TSPAN2: variants seen among roughly 807,000 people sequenced by gnomAD.
TSPAN2 encodes tetraspanin 2.
TSPAN2 carries 24 observed loss-of-function variants against 33.3 expected under a neutral mutation model. That is an observed-to-expected ratio of 0.72 (90% confidence interval 0.52 to 1.01). The LOEUF (loss-of-function observed/expected upper bound fraction) is 1.01. Among genes scored for constraint, TSPAN2 ranks in the 50% least tolerant of loss-of-function variants. TSPAN2 has a pLI of 0.00. For missense variants in TSPAN2, 278 were observed against 281.3 expected (o/e 0.99, Z 0.08); for synonymous variants, 114 against 104.5 (o/e 1.09, Z -0.56).
At chr1:115,054,748 A>C (rs1647328285) in intron 6 of TSPAN2, among the ~76,000 whole-genome samples, 1 of 152,108 alleles carries the variant, frequency 6.6e-6, no homozygotes, top group African/African-American at 2.4e-5. Context: ...AGCACTTGGG[A>C]GGCCGAGATG....
chr1:115,063,475 T>C (rs1222761954), intron 2 of TSPAN2, among the ~76,000 whole-genome samples: 3 of 152,238 alleles, frequency 2.0e-5, no homozygotes, highest in Non-Finnish European at 1.5e-5. Flanking sequence ...GTTGCGAATG[T>C]AAATCAGTAC....
chr1:115,087,515 C>T (rs1228788278), intron 1 of TSPAN2, among the ~76,000 whole-genome samples: 2 of 149,184 alleles, frequency 1.3e-5, no homozygotes, highest in African/African-American at 5.0e-5. Context: ...ATTTGGGCGG[C>T]TGAGGCAGGA....
chr1:115,084,834 T>A (rs1648771352), intron 1 of TSPAN2, among the ~76,000 whole-genome samples: 1 of 152,174 alleles, frequency 6.6e-6, no homozygotes, highest in Non-Finnish European at 1.5e-5. Flanking sequence ...CTTTCTTAAA[T>A]GTACCTGTTA....
chr1:115,070,968 A>C (rs1192851226), intron 2 of TSPAN2, among the ~76,000 whole-genome samples: 1 of 152,110 alleles, frequency 6.6e-6, no homozygotes, highest in East Asian at 1.9e-4. Context: ...GGTTATACTG[A>C]TAGGTTATAT....
chr1:115,076,431 G>A (rs1371165503), intron 1 of TSPAN2, among the ~76,000 whole-genome samples: 2 of 152,130 alleles, frequency 1.3e-5, no homozygotes, highest in Non-Finnish European at 2.9e-5. Context: ...ACCATCAGGA[G>A]CATGAATGTT....
At chr1:115,081,851 C>T (rs1204018578) in intron 1 of TSPAN2, among the ~76,000 whole-genome samples, 1 of 151,692 alleles carries the variant, frequency 6.6e-6, no homozygotes, top group Non-Finnish European at 1.5e-5. Context: ...CTGCAGCCGT[C>T]CTCTACTAAT....
intron 6 of TSPAN2, among the ~76,000 whole-genome samples, chr1:115,055,749 T>C (rs1647395062): frequency 6.6e-6 from 1 of 152,174 alleles, no homozygotes; most frequent in Admixed American, 6.5e-5. Flanking sequence ...CTTAAACTCC[T>C]GAGCTCAGGC....
intron 2 of TSPAN2, among the ~76,000 whole-genome samples, chr1:115,062,969 G>T (rs909285829): frequency 6.6e-6 from 1 of 152,190 alleles, no homozygotes; most frequent in Non-Finnish European, 1.5e-5. Context: ...TCTTTTCAGG[G>T]CCCTGAGGCC....
intron 3 of TSPAN2, among the ~76,000 whole-genome samples, chr1:115,061,370 A>G (rs1035934711): frequency 1.3e-5 from 2 of 152,242 alleles, no homozygotes; most frequent in African/African-American, 2.4e-5. Flanking sequence ...AATGTATAGC[A>G]GTTAATTGAA....
Position 115,049,184 on chromosome 1 carries a change from T to A in TSPAN2, c.*1306A>T, listed in dbSNP as rs1031866304. On this transcript the variant is annotated 3_prime_UTR_variant, in exon 8 of 8. Transcript: ENST00000369516. Reference sequence around the variant, plus strand: ...TGCCAATGTAAATCCTAAATTTGGGTTTACTAAGTTAAAATGAAGCGTTAA... The same window carrying A: ...TGCCAATGTAAATCCTAAATTTGGGATTACTAAGTTAAAATGAAGCGTTAA... The A allele has an allele frequency of 7.9e-5, 12 of 152,248 alleles. No homozygotes were observed. The highest frequency in any genetic ancestry group is 2.9e-4 in the African/African-American group (12 of 41,548). 9.4% of individuals were successfully genotyped at this position (152,248 alleles called of 1,614,324 possible).
At position 115,057,717 on chromosome 1, in the gene TSPAN2, C is replaced by T. The variant is rs563505103; in HGVS notation, c.445-109G>A. ...CCGAGGCGGCAAAGCAGCTCCGAGGCCCAGTCACTGCAACCCAGACTGCTA... is the reference window on the plus strand; with the variant it reads ...CCGAGGCGGCAAAGCAGCTCCGAGGTCCAGTCACTGCAACCCAGACTGCTA... On this transcript the variant is annotated intron_variant, in intron 5 of 7. Transcript: ENST00000369516. 4.4e-6 allele frequency: 4 copies of T among 919,444 alleles called. No individual in the cohort carries two copies. The Admixed American group carries it at 5.3e-5, about 12-fold the overall frequency. 57.0% of individuals were successfully genotyped at this position (919,444 alleles called of 1,614,324 possible). A position where few individuals can be genotyped will look rare whatever the true frequency, so the allele number is the denominator to read the frequency against.
At chr1:115,068,826 T>C (rs1648049647) in intron 2 of TSPAN2, among the ~76,000 whole-genome samples, 1 of 152,202 alleles carries the variant, frequency 6.6e-6, no homozygotes, top group Non-Finnish European at 1.5e-5. Context: ...TTATAAGACA[T>C]ACTTGAAAGG....
chr1:115,061,764 C>G lies in TSPAN2; in HGVS notation c.270+371G>C, dbSNP rs142857312. 2.0e-5 allele frequency among the ~76,000 whole-genome samples: 3 copies of G among 152,214 alleles called. No individual in the cohort carries two copies. In the East Asian group the frequency reaches 5.8e-4, roughly 29 times the overall value. On this transcript the variant is annotated intron_variant, in intron 3 of 7. Transcript: ENST00000369516. ...ATGGCTCACTGCAGCCTCCCAACTC[C>G]TGGTCTTAAGTGATCCTCCTGCCTC...
chr1:115,063,275 C>A (rs1570971179), intron 2 of TSPAN2, among the ~76,000 whole-genome samples: 1 of 152,174 alleles, frequency 6.6e-6, no homozygotes, highest in East Asian at 1.9e-4. Context: ...CATAAACAGA[C>A]AATTCTCCAA....
chr1:115,070,833 T>C (rs1013667012), intron 2 of TSPAN2, among the ~76,000 whole-genome samples: 1 of 152,196 alleles, frequency 6.6e-6, no homozygotes, highest in Non-Finnish European at 1.5e-5. Context: ...GTAATTTAAA[T>C]TGTGAAGTCT....
intron 2 of TSPAN2, among the ~76,000 whole-genome samples, chr1:115,067,209 G>T (rs1454698059): frequency 6.6e-6 from 1 of 152,224 alleles, no homozygotes; most frequent in African/African-American, 2.4e-5. Context: ...AGCAGTAACT[G>T]TGAAGAACAA....
chr1:115,089,491 G>C lies in TSPAN2; in HGVS notation c.-59C>G, dbSNP rs1384439608. ...GGCCCGCGCTACGAGCGCGGGGAGC[G>C]GCAGGCTCCGGCGGGGAGGGGGCGG... On this transcript the variant is annotated 5_prime_UTR_variant, in exon 1 of 8. Coordinates refer to ENST00000369516, the MANE Select transcript of TSPAN2 (RefSeq NM_005725.6). The C allele has an allele frequency of 6.2e-6, 8 of 1,299,210 alleles. No individual in the cohort carries two copies. The highest frequency in any genetic ancestry group is 1.5e-5 in the African/African-American group (1 of 65,304). The allele number at this position is 1,299,210 out of a possible 1,614,324, so 80.5% of individuals were successfully genotyped here. A position where few individuals can be genotyped will look rare whatever the true frequency, so the allele number is the denominator to read the frequency against.
At chr1:115,087,565 G>T (rs1464203121) in intron 1 of TSPAN2, among the ~76,000 whole-genome samples, 1 of 144,418 alleles carries the variant, frequency 6.9e-6, no homozygotes, top group East Asian at 2.1e-4. Flanking sequence ...GCAGTGAGTG[G>T]AGATCGGGCC....
intron 1 of TSPAN2, among the ~76,000 whole-genome samples, chr1:115,076,226 G>C (rs1240573948): frequency 6.6e-6 from 1 of 152,170 alleles, no homozygotes; most frequent in African/African-American, 2.4e-5. Flanking sequence ...AGGCAGAGAT[G>C]GTAGTACAGA....
Sources: allele counts gnomAD v4.1 joint callset (sites outside exome capture counted in the v4.1 genomes callset), GRCh38; gene constraint gnomAD v4.1.1; transcripts MANE v1.5; gene names NCBI Gene and HGNC (gene_info 2026-07-23, HGNC 2026-07-21).